Variants in WDR37 observed in about 807,000 individuals in gnomAD.
WDR37 encodes WD repeat-containing protein 37.
In WDR37, 19 loss-of-function variants were observed where a neutral mutation model predicts 62.9. The ratio of observed to expected loss-of-function variants is 0.30; its 90% CI spans 0.21 to 0.44. WDR37 has a LOEUF of 0.44. Among genes scored for constraint, WDR37 ranks in the 20% least tolerant of loss-of-function variants. The probability of loss-of-function intolerance (pLI) is 1.00; values close to 1 mark genes in which losing one functional copy is unlikely to be tolerated. For synonymous variants in WDR37, 250 were observed against 260.9 expected, an observed-to-expected ratio of 0.96 and a Z score of 0.40; for missense variants, 474 against 657.6, an observed-to-expected ratio of 0.72 and a Z score of 3.05.
intron 2 of WDR37, chr10:1,074,526 G>A: frequency 7.7e-7 from 1 of 1,304,088 alleles, no homozygotes; most frequent in Non-Finnish European, 1.0e-6. Context: ...GCCCCCGTGA[G>A]GTGCTCTGCC....
At chr10:1,123,480 A>G (rs1480197197) in intron 11 of WDR37, among the ~76,000 whole-genome samples, 1 of 152,178 alleles carries the variant, frequency 6.6e-6, no homozygotes, top group Non-Finnish European at 1.5e-5. Context: ...TGCCTAGTCC[A>G]GGGATCTTAG....
Position 1,083,740 on chromosome 10 carries a change from C to T in WDR37, c.397-663C>T, listed in dbSNP as rs148186629. On this transcript the variant is annotated intron_variant, in intron 5 of 13. Transcript: ENST00000263150. ...GCCTTTCTGTGGTCCGTGATGTGTTCGCGTTGTCTCCTGCTGGGCTGAGCA... is the reference window on the plus strand; with the variant it reads ...GCCTTTCTGTGGTCCGTGATGTGTTTGCGTTGTCTCCTGCTGGGCTGAGCA... 2.2e-4 allele frequency among the ~76,000 whole-genome samples: 34 copies of T among 152,312 alleles called. 1 individual carries two copies. The East Asian group carries it at 5.2e-3, about 23-fold the overall frequency.
At chr10:1,069,387 A>ATTTT (rs1368989652) in intron 1 of WDR37, among the ~76,000 whole-genome samples, 1 of 30,444 alleles carries the variant, frequency 3.3e-5, no homozygotes, top group Non-Finnish European at 5.9e-5. Flanking sequence ...ATATATATAT[A>ATTTT]TATTTTTTTT....
chr10:1,080,093 A>C lies in WDR37; in HGVS notation c.318A>C (p.Gln106His). Reference protein sequence around the residue: ...AIDGAELSKGQLKTKASHSTS... With the variant: ...AIDGAELSKGHLKTKASHSTS... ...ATGGAGCAGAGCTGAGTAAGGGCCA[A>C]CTCAAAACAAAAGGTAAGGTGAATC... Residue 106 changes from glutamine to histidine, a missense_variant, in exon 4 of 14, where the codon CAA (glutamine) becomes CAC (histidine). Gln to His is a conservative substitution (Grantham distance 24). Transcript: ENST00000263150. 6.2e-7 allele frequency: 1 copy of C among 1,614,122 alleles called. No homozygotes were observed. Among genetic ancestry groups the C allele is most frequent in the South Asian group, 1.1e-5 (1 of 91,074 alleles).
rs1834131649 is a variant in WDR37, at chr10:1,084,467, G to C, written c.461G>C (p.Gly154Ala). The C allele has an allele frequency of 6.2e-7, 1 of 1,614,082 alleles. No homozygotes were observed. The highest frequency in any genetic ancestry group is 1.3e-5 in the African/African-American group (1 of 74,928). Residue 154 changes from glycine to alanine, a missense_variant, in exon 6 of 14, where the codon GGC becomes GCC. Transcript: ENST00000263150. ...AACQLVKEYIGHRDGIWDVSV... is the reference protein window; with the variant it reads ...AACQLVKEYIAHRDGIWDVSV... ...TGCCAGCTCGTGAAGGAGTACATCGGCCACCGGGACGGCATCTGGGATGTC... is the reference window on the plus strand; with the variant it reads ...TGCCAGCTCGTGAAGGAGTACATCGCCCACCGGGACGGCATCTGGGATGTC...
At chr10:1,062,294 C>T (rs1448465951) in intron 1 of WDR37, among the ~76,000 whole-genome samples, 3 of 152,156 alleles carry the variant, frequency 2.0e-5, no homozygotes, top group South Asian at 2.1e-4. Flanking sequence ...CCAAAGAGAA[C>T]ACCATGCAAC....
intron 11 of WDR37, among the ~76,000 whole-genome samples, chr10:1,117,155 A>G (rs754563474): frequency 3.9e-5 from 6 of 152,158 alleles, no homozygotes; most frequent in Non-Finnish European, 8.8e-5. Flanking sequence ...CCTGGGCTCA[A>G]GTGATCCTCC....
chr10:1,066,615 G>C (rs1169530316), intron 1 of WDR37, among the ~76,000 whole-genome samples: 1 of 152,124 alleles, frequency 6.6e-6, no homozygotes, highest in African/African-American at 2.4e-5. Flanking sequence ...AAATGTAAAA[G>C]GAAGGACAAA....
In WDR37 at chr10:1,121,605, G is replaced by A. The variant is rs1033121462; in HGVS notation, c.1104-2613G>A. On this transcript the variant is annotated intron_variant, in intron 11 of 13. Coordinates refer to ENST00000263150, the MANE Select transcript of WDR37 (RefSeq NM_014023.4). This position sits in a 1 kb window ranked among gnomAD's most constrained non-coding sequence, Gnocchi z 4.5. Reference sequence around the variant, plus strand: ...CTTGTGTCCTGCCCCGTGTGATGCCGTGGTTTCCAGTTGGGCAGTTTCCCC... The same window carrying A: ...CTTGTGTCCTGCCCCGTGTGATGCCATGGTTTCCAGTTGGGCAGTTTCCCC... Among the ~76,000 whole-genome samples, 7 of 152,154 alleles carry A rather than the reference G, an allele frequency of 4.6e-5. No individual in the cohort carries two copies. Among genetic ancestry groups the A allele is most frequent in the African/African-American group, 1.4e-4 (6 of 41,430 alleles).
At chr10:1,125,866 G>A (rs1376900325) in intron 13 of WDR37, among the ~76,000 whole-genome samples, 5 of 152,218 alleles carry the variant, frequency 3.3e-5, no homozygotes, top group Non-Finnish European at 5.9e-5. Context: ...TTCAGAAGAC[G>A]GCGGAGGGAG....
intron 2 of WDR37, among the ~76,000 whole-genome samples, chr10:1,077,503 T>C (rs550837558): frequency 6.6e-6 from 1 of 152,272 alleles, no homozygotes; most frequent in South Asian, 2.1e-4. Flanking sequence ...GCCTCTTCCA[T>C]GAGGGTCTAG....
chr10:1,100,371 C>T (rs558778707), intron 9 of WDR37, among the ~76,000 whole-genome samples: 11 of 152,286 alleles, frequency 7.2e-5, no homozygotes, highest in Non-Finnish European at 1.3e-4. Flanking sequence ...GCAGAAATGG[C>T]GTGGGAGGCT....
chr10:1,080,715 G>A (rs1834000472), intron 5 of WDR37, among the ~76,000 whole-genome samples: 1 of 152,128 alleles, frequency 6.6e-6, no homozygotes, highest in South Asian at 2.1e-4. Flanking sequence ...AGACCAGCTT[G>A]GACAACATGG....
chr10:1,126,429 C>T (rs1252943858), intron 13 of WDR37, among the ~76,000 whole-genome samples: 4 of 152,092 alleles, frequency 2.6e-5, no homozygotes, highest in Admixed American at 6.5e-5. Context: ...AGAAACTCCC[C>T]GTGGTCGAGG....
At chr10:1,083,178 G>C (rs752241346) in intron 5 of WDR37, among the ~76,000 whole-genome samples, 8 of 152,152 alleles carry the variant, frequency 5.3e-5, no homozygotes, top group Non-Finnish European at 1.0e-4. Context: ...CCATGTTGTG[G>C]AGGCATAATT....
intron 11 of WDR37, among the ~76,000 whole-genome samples, chr10:1,107,792 T>C (rs916063021): frequency 7.9e-5 from 12 of 151,870 alleles, no homozygotes; most frequent in African/African-American, 2.9e-4. Context: ...GTTCGCCTGT[T>C]GTATTGCAGC....
intron 11 of WDR37, among the ~76,000 whole-genome samples, chr10:1,109,730 T>A (rs948002990): frequency 3.9e-5 from 6 of 151,904 alleles, no homozygotes; most frequent in African/African-American, 1.5e-4. Context: ...AAAAAAAAAA[T>A]TCTGGTTAAT....
chr10:1,074,887 A>T (rs551917243), intron 2 of WDR37, among the ~76,000 whole-genome samples: 9 of 152,350 alleles, frequency 5.9e-5, no homozygotes, highest in Admixed American at 5.9e-4. Context: ...GTTGCCGAGA[A>T]CTGCGACGTC....
At chr10:1,087,789 G>T (rs567204961) in intron 7 of WDR37, among the ~76,000 whole-genome samples, 7 of 152,330 alleles carry the variant, frequency 4.6e-5, no homozygotes, top group Non-Finnish European at 8.8e-5. Flanking sequence ...GTCACCAGCC[G>T]CATTCGCCCC....
Sources: gnomAD v4.1 joint callset for allele counts (sites outside exome capture counted in the v4.1 genomes callset) on GRCh38, gnomAD v4.1.1 for gene constraint, Gnocchi (gnomAD v3.1) non-coding constraint, MANE v1.5 for transcripts, NCBI Gene and HGNC (gene_info 2026-07-23, HGNC 2026-07-21) for gene names.